SHISA9: variants seen among roughly 807,000 people sequenced by gnomAD.
SHISA9 encodes the protein shisa family member 9.
SHISA9 carries 13 observed loss-of-function variants against 38.0 expected under a neutral mutation model. The ratio of observed to expected loss-of-function variants is 0.34; its 90% confidence interval spans 0.22 to 0.54. SHISA9 has a LOEUF of 0.54. SHISA9 is among the 20% of genes least tolerant of loss of function. The pLI is 0.91. For synonymous variants in SHISA9, 275 were observed against 242.0 expected, an observed-to-expected ratio of 1.14 and a Z score of -1.27; for missense variants, 538 against 575.8, an observed-to-expected ratio of 0.93 and a Z score of 0.67.
chr16:13,170,721 A>G (rs1359230828), intron 2 of SHISA9, among the ~76,000 whole-genome samples: 1 of 152,194 alleles, frequency 6.6e-6, no homozygotes, highest in African/African-American at 2.4e-5. Context: ...CAATGGTGCC[A>G]TCTCGGCTCA....
chr16:13,554,119 A>G, the SHISA9 span, among the ~76,000 whole-genome samples: 31 of 152,114 alleles, frequency 2.0e-4, no homozygotes, highest in Admixed American at 1.1e-3. Flanking sequence ...TCTTGGTAAT[A>G]AAAAGCACAG....
the SHISA9 span, among the ~76,000 whole-genome samples, chr16:13,549,772 C>T: frequency 6.6e-6 from 1 of 152,080 alleles, no homozygotes; most frequent in African/African-American, 2.4e-5. Context: ...CACCTGTAAT[C>T]TCAGCACTTT....
chr16:13,298,637 C>T, the SHISA9 span, among the ~76,000 whole-genome samples: 3 of 152,214 alleles, frequency 2.0e-5, no homozygotes, highest in African/African-American at 7.2e-5. Context: ...AGGGCTTGAG[C>T]TTCTTCATCA....
intron 2 of SHISA9, among the ~76,000 whole-genome samples, chr16:12,992,176 C>T (rs2072395407): frequency 6.6e-6 from 1 of 151,880 alleles, no homozygotes; most frequent in African/African-American, 2.4e-5. Context: ...TGAGAAATAG[C>T]ATTCTTAACA....
At chr16:13,196,040 A>T (rs2050935525) in intron 2 of SHISA9, among the ~76,000 whole-genome samples, 1 of 126,960 alleles carries the variant, frequency 7.9e-6, no homozygotes, top group African/African-American at 3.0e-5. Context: ...GCGAGCTGAG[A>T]TTGCACCACT....
chr16:13,548,276 A>G, the SHISA9 span, among the ~76,000 whole-genome samples: 3 of 152,316 alleles, frequency 2.0e-5, no homozygotes, highest in African/African-American at 7.2e-5. Context: ...AAAACATAGA[A>G]AACACTTTAC....
chr16:13,411,156 G>A, the SHISA9 span, among the ~76,000 whole-genome samples: 1 of 152,202 alleles, frequency 6.6e-6, no homozygotes, highest in African/African-American at 2.4e-5. Flanking sequence ...CTAACTTGAT[G>A]TGGCTGGTAA....
At chr16:13,514,766 A>G in the SHISA9 span, among the ~76,000 whole-genome samples, 2 of 152,200 alleles carry the variant, frequency 1.3e-5, no homozygotes, top group Non-Finnish European at 2.9e-5. Flanking sequence ...TTAATGACCA[A>G]AAATTTTATG....
chr16:13,544,413 GGT>G, the SHISA9 span, among the ~76,000 whole-genome samples: 2 of 81,440 alleles, frequency 2.5e-5, no homozygotes, highest in African/African-American at 4.8e-5. Flanking sequence ...TGTTTTTTCG[GGT>G]TTTTTTTTTT....
At chr16:12,986,452 C>T (rs912334885) in intron 2 of SHISA9, among the ~76,000 whole-genome samples, 7 of 151,976 alleles carry the variant, frequency 4.6e-5, no homozygotes, top group African/African-American at 1.7e-4. Flanking sequence ...TTTTGTGGAG[C>T]GGTAATTAAA....
intron 2 of SHISA9, among the ~76,000 whole-genome samples, chr16:13,146,046 G>C (rs1363119980): frequency 6.6e-6 from 1 of 152,200 alleles, no homozygotes. Flanking sequence ...AAATTAGCGA[G>C]GTGTGGTGGT....
chr16:13,271,640 G>C, the SHISA9 span, among the ~76,000 whole-genome samples: 1 of 152,144 alleles, frequency 6.6e-6, no homozygotes, highest in Non-Finnish European at 1.5e-5. Flanking sequence ...AACAGACAGA[G>C]AGACCACCAA....
chr16:13,528,153 C>G, the SHISA9 span, among the ~76,000 whole-genome samples: 1 of 152,090 alleles, frequency 6.6e-6, no homozygotes, highest in African/African-American at 2.4e-5. Flanking sequence ...TCCCCGGGAA[C>G]AAAGAGAAGA....
intron 2 of SHISA9, among the ~76,000 whole-genome samples, chr16:13,153,017 C>A (rs945545855): frequency 2.0e-5 from 3 of 152,112 alleles, no homozygotes; most frequent in African/African-American, 7.2e-5. Context: ...AGCTGAATAT[C>A]TGAGTATGAG....
chr16:13,460,120 A>G, the SHISA9 span, among the ~76,000 whole-genome samples: 6 of 152,148 alleles, frequency 3.9e-5, no homozygotes, highest in South Asian at 2.1e-4. Flanking sequence ...TGCATATTCA[A>G]TGGACAGTGA....
At chr16:13,345,340 A>C in the SHISA9 span, among the ~76,000 whole-genome samples, 4 of 152,078 alleles carry the variant, frequency 2.6e-5, no homozygotes, top group Non-Finnish European at 5.9e-5. Context: ...CCCACTTGTA[A>C]GTGAGAACAT....
the SHISA9 span, among the ~76,000 whole-genome samples, chr16:13,277,259 G>C: frequency 4.6e-5 from 7 of 151,980 alleles, no homozygotes; most frequent in Non-Finnish European, 7.4e-5. Context: ...TCTCTATTCT[G>C]TTCCATTGGT....
the SHISA9 span, among the ~76,000 whole-genome samples, chr16:13,539,317 TAAA>T: frequency 2.7e-5 from 1 of 36,506 alleles, no homozygotes; most frequent in Admixed American, 4.0e-4. Context: ...TATATATATA[TAAA>T]GACAGGATCT....
chr16:13,389,464 T>C, the SHISA9 span, among the ~76,000 whole-genome samples: 1 of 152,218 alleles, frequency 6.6e-6, no homozygotes, highest in African/African-American at 2.4e-5. Context: ...GTTCACTATG[T>C]ACATGTGTAT....
Sources: gnomAD v4.1 joint callset for allele counts (sites outside exome capture counted in the v4.1 genomes callset) on GRCh38, gnomAD v4.1.1 for gene constraint, MANE v1.5 for transcripts, NCBI Gene and HGNC (gene_info 2026-07-23, HGNC 2026-07-21) for gene names.